CNTN4: variants seen among roughly 807,000 people sequenced by gnomAD.
CNTN4 encodes the protein contactin-4.
Under a neutral mutation model 122.5 loss-of-function variants are expected in CNTN4, and 77 were observed. The ratio of observed to expected loss-of-function variants is 0.63; its 90% confidence interval spans 0.52 to 0.76. The LOEUF (loss-of-function observed/expected upper bound fraction) is 0.76. Ranked by LOEUF, CNTN4 falls within the 30% of genes least tolerant of loss-of-function variation. CNTN4 has a pLI of 0.00. For missense variants in CNTN4, 1,256 were observed against 1,259.1 expected, an observed-to-expected ratio of 1.00 and a Z score of 0.04; for synonymous variants, 512 against 447.0, an observed-to-expected ratio of 1.15 and a Z score of -1.83.
At chr3:2,883,667 C>G (rs1332976077) in intron 9 of CNTN4, among the ~76,000 whole-genome samples, 1 of 152,138 alleles carries the variant, frequency 6.6e-6, no homozygotes, top group Non-Finnish European at 1.5e-5. Context: ...TCTTGAATTT[C>G]TTTTTAAACT....
At chr3:2,637,404 T>C (rs1054319053) in intron 4 of CNTN4, among the ~76,000 whole-genome samples, 1 of 152,154 alleles carries the variant, frequency 6.6e-6, no homozygotes, top group Non-Finnish European at 1.5e-5. Flanking sequence ...TCTGGCTTTT[T>C]TAAAACTGCA....
chr3:2,799,124 C>G (rs2675322), intron 6 of CNTN4, among the ~76,000 whole-genome samples: 92,776 of 152,052 alleles, frequency 0.61, 28,499 homozygotes, highest in South Asian at 0.75. Context: ...TATTTGTTGT[C>G]CATTTGTATG....
chr3:2,195,642 C>T (rs2037799744), intron 2 of CNTN4, among the ~76,000 whole-genome samples: 1 of 152,146 alleles, frequency 6.6e-6, no homozygotes, highest in Non-Finnish European at 1.5e-5. Context: ...TATTCAACAC[C>T]TTTACATGTT....
intron 4 of CNTN4, among the ~76,000 whole-genome samples, chr3:2,597,668 A>G (rs762721597): frequency 1.7e-4 from 26 of 152,148 alleles, no homozygotes; most frequent in Non-Finnish European, 3.1e-4. Context: ...GAGCCCAGTC[A>G]GAGGAGTACA....
intron 4 of CNTN4, among the ~76,000 whole-genome samples, chr3:2,687,927 T>A (rs1249395337): frequency 6.6e-6 from 1 of 152,168 alleles, no homozygotes; most frequent in Non-Finnish European, 1.5e-5. Flanking sequence ...AATAAGTTAA[T>A]ATCACAGGGA....
At chr3:2,867,519 A>G (rs975158272) in intron 8 of CNTN4, among the ~76,000 whole-genome samples, 1 of 152,174 alleles carries the variant, frequency 6.6e-6, no homozygotes, top group Non-Finnish European at 1.5e-5. Context: ...ATCACTGTGT[A>G]CTTTGTAAAG....
At chr3:2,928,226 A>G (rs764560747) in intron 13 of CNTN4, among the ~76,000 whole-genome samples, 4 of 152,338 alleles carry the variant, frequency 2.6e-5, no homozygotes, top group South Asian at 2.1e-4. Flanking sequence ...CTGTGTGCTT[A>G]TAGACCAAGT....
At chr3:3,024,816 C>A (rs1405930668) in intron 14 of CNTN4, among the ~76,000 whole-genome samples, 2 of 152,102 alleles carry the variant, frequency 1.3e-5, no homozygotes, top group Non-Finnish European at 2.9e-5. Context: ...ATTCTCCTGT[C>A]AGATATAATT....
intron 4 of CNTN4, among the ~76,000 whole-genome samples, chr3:2,668,925 A>G (rs2084333605): frequency 1.3e-5 from 2 of 152,210 alleles, no homozygotes; most frequent in South Asian, 2.1e-4. Context: ...CCAGCCTTGC[A>G]TCATAGGGAT....
rs962702748 is a variant in CNTN4 at position 2,594,228 on chromosome 3, TG to T, written c.55+22672del. On this transcript the variant is annotated intron_variant, in intron 4 of 24. Coordinates refer to ENST00000418658, the MANE Select transcript of CNTN4 (RefSeq NM_175607.3). ...ATGTTGAACACAATTTTGGAGAAAC[TG>T]GTTTTTTTTTGACAATTTGAAATGT... Among the ~76,000 whole-genome samples, 13 of 8,192 alleles carry T rather than the reference TG, an allele frequency of 1.6e-3. No homozygotes were observed. The Non-Finnish European group carries it at 0.043, about 27-fold the overall frequency. 5.4% of individuals were successfully genotyped at this position (8,192 alleles called of 152,430 possible).
intron 2 of CNTN4, among the ~76,000 whole-genome samples, chr3:2,204,697 G>T (rs1230248795): frequency 6.6e-6 from 1 of 151,866 alleles, no homozygotes; most frequent in African/African-American, 2.4e-5. Flanking sequence ...AAGAACTGTT[G>T]GTTTTAAACT....
intron 6 of CNTN4, among the ~76,000 whole-genome samples, chr3:2,800,590 G>T (rs577550455): frequency 6.6e-6 from 1 of 152,262 alleles, no homozygotes; most frequent in African/African-American, 2.4e-5. Context: ...CAATCATTCT[G>T]GTTGAAGAGA....
intron 4 of CNTN4, among the ~76,000 whole-genome samples, chr3:2,651,286 A>T (rs2083347366): frequency 6.6e-6 from 1 of 151,976 alleles, no homozygotes; most frequent in South Asian, 2.1e-4. Context: ...TTCCCTTAGG[A>T]TCCTCTTGCT....
chr3:2,122,413 A>G (rs1466025880), intron 2 of CNTN4, among the ~76,000 whole-genome samples: 2 of 152,184 alleles, frequency 1.3e-5, no homozygotes, highest in Non-Finnish European at 2.9e-5. Flanking sequence ...ATTTTTCTTC[A>G]CTTAAAGATG....
intron 4 of CNTN4, among the ~76,000 whole-genome samples, chr3:2,633,386 C>T (rs550769559): frequency 1.7e-4 from 26 of 152,286 alleles, no homozygotes; most frequent in Middle Eastern, 6.8e-3. Flanking sequence ...CAGTGCTATG[C>T]GTCCAAATTC....
intron 2 of CNTN4, among the ~76,000 whole-genome samples, chr3:2,260,388 A>T (rs558018948): frequency 3.9e-5 from 6 of 152,240 alleles, no homozygotes; most frequent in African/African-American, 1.4e-4. Context: ...CCCATGGTTG[A>T]GAACCTCCGG....
At chr3:2,828,954 G>A (rs909092036) in intron 7 of CNTN4, among the ~76,000 whole-genome samples, 3 of 151,990 alleles carry the variant, frequency 2.0e-5, no homozygotes, top group Non-Finnish European at 2.9e-5. Flanking sequence ...ACCCAAGTTG[G>A]TCTCAAACTC....
intron 10 of CNTN4, among the ~76,000 whole-genome samples, chr3:2,889,096 T>G (rs977170290): frequency 1.3e-5 from 2 of 152,172 alleles, no homozygotes; most frequent in Non-Finnish European, 2.9e-5. Flanking sequence ...CAAAGAATTC[T>G]GATCGATAAT....
chr3:2,619,921 A>T (rs899493419), intron 4 of CNTN4, among the ~76,000 whole-genome samples: 1 of 152,128 alleles, frequency 6.6e-6, no homozygotes, highest in Non-Finnish European at 1.5e-5. Flanking sequence ...TTTTGGAATC[A>T]GTTGTTTCTA....
Sources: gnomAD v4.1 joint callset for allele counts (sites outside exome capture counted in the v4.1 genomes callset) on GRCh38, gnomAD v4.1.1 for gene constraint, MANE v1.5 for transcripts, NCBI Gene and HGNC (gene_info 2026-07-23, HGNC 2026-07-21) for gene names.